FAM149B1: variants seen among roughly 807,000 people sequenced by gnomAD.
FAM149B1 encodes the protein primary cilium assembly protein FAM149B1.
In FAM149B1, 56 loss-of-function variants were observed where a neutral mutation model predicts 75.3. That is an observed-to-expected ratio of 0.74 (90% CI 0.60 to 0.93). The LOEUF (loss-of-function observed/expected upper bound fraction) is 0.93, where lower values mean the gene tolerates loss of function less well. Among genes scored for constraint, FAM149B1 ranks in the 40% least tolerant of loss-of-function variants. The probability of loss-of-function intolerance (pLI) is 0.00; values close to 1 mark genes in which losing one functional copy is unlikely to be tolerated. For missense variants in FAM149B1, 639 were observed against 708.4 expected (o/e 0.90, Z 1.11); for synonymous variants, 259 against 256.1 (o/e 1.01, Z -0.11).
At chr10:73,207,912 C>T (rs1448198443) in intron 5 of FAM149B1, among the ~76,000 whole-genome samples, 1 of 152,174 alleles carries the variant, frequency 6.6e-6, no homozygotes, top group Admixed American at 6.5e-5. Context: ...AGACGTGGGA[C>T]TTTGGACTTT....
At chr10:73,196,364 C>G (rs1438462193) in intron 5 of FAM149B1, among the ~76,000 whole-genome samples, 1 of 151,956 alleles carries the variant, frequency 6.6e-6, no homozygotes, top group African/African-American at 2.4e-5. Flanking sequence ...CTCTGTCACC[C>G]AGGCTGGAGT....
chr10:73,228,273 T>C (rs1373227633), intron 8 of FAM149B1, 89 bp downstream of exon 8: 1 of 1,060,870 alleles, frequency 9.4e-7, no homozygotes, highest in Non-Finnish European at 1.4e-6. Context: ...TTGTATGATT[T>C]CTGACTCAAT....
At chr10:73,216,293 G>A (rs1317506999) in intron 7 of FAM149B1, among the ~76,000 whole-genome samples, 1 of 151,976 alleles carries the variant, frequency 6.6e-6, no homozygotes, top group Non-Finnish European at 1.5e-5. Flanking sequence ...GTCTTTATGG[G>A]TAAGATGAGT....
rs2043981055 is a variant in FAM149B1, at chr10:73,244,001, A to G, written c.*2982A>G. On this transcript the variant is annotated 3_prime_UTR_variant, in exon 14 of 14. Coordinates refer to ENST00000242505, the MANE Select transcript of FAM149B1 (RefSeq NM_173348.2). ...AAAATACATACTCTTTCCCAAAAGC[A>G]AATCTATAATTCTGTTTCAATTTTA... is the stretch of plus-strand genomic sequence containing the variant. 6.5e-6 allele frequency: 8 copies of G among 1,240,156 alleles called. No individual in the cohort carries two copies. The East Asian group carries it at 1.9e-4, about 29-fold the overall frequency. The allele number at this position is 1,240,156 out of a possible 1,614,324, so 76.8% of individuals were successfully genotyped here.
intron 7 of FAM149B1, among the ~76,000 whole-genome samples, chr10:73,212,588 T>C (rs565387762): frequency 3.3e-4 from 50 of 152,306 alleles, no homozygotes; most frequent in African/African-American, 1.2e-3. Context: ...AAATATTTTT[T>C]TGATATAATG....
At chr10:73,221,545 T>C (rs868005600) in intron 7 of FAM149B1, among the ~76,000 whole-genome samples, 3 of 152,156 alleles carry the variant, frequency 2.0e-5, no homozygotes, top group South Asian at 4.1e-4. Flanking sequence ...GTGCATGTAT[T>C]TTTTTTTCCT....
intron 5 of FAM149B1, among the ~76,000 whole-genome samples, chr10:73,207,866 G>A (rs756935913): frequency 6.6e-6 from 1 of 152,250 alleles, no homozygotes; most frequent in Non-Finnish European, 1.5e-5. Flanking sequence ...TGATTTACAG[G>A]CTCATAGCTG....
At chr10:73,178,088 A>G (rs1242437975) in intron 3 of FAM149B1, 113 bp downstream of exon 3, 14 of 1,069,340 alleles carry the variant, frequency 1.3e-5, no homozygotes, top group East Asian at 2.7e-5. Flanking sequence ...TACATTTATC[A>G]TACTTCATAA....
At position 73,239,285 on chromosome 10, in the gene FAM149B1, A is replaced by G. The variant is rs775912869; in HGVS notation, c.1603-27A>G. 78 of 1,536,600 alleles carry G rather than the reference A, an allele frequency of 5.1e-5. No homozygotes were observed. In the South Asian group the frequency reaches 8.2e-4, roughly 16 times the overall value. On this transcript the variant is annotated intron_variant, in intron 12 of 13. Coordinates refer to ENST00000242505, the MANE Select transcript of FAM149B1 (RefSeq NM_173348.2). ...ATCCTTTGTGAGAAGATGCATCATA[A>G]GAAGTGTCTCCTCTTTTGTCTTGTA...
chr10:73,236,923 A>T (rs2043836617), intron 12 of FAM149B1, among the ~76,000 whole-genome samples: 1 of 151,426 alleles, frequency 6.6e-6, no homozygotes, highest in African/African-American at 2.4e-5. Context: ...TATGTTGGCC[A>T]GACTGGTCTC....
chr10:73,195,792 A>G (rs1262040530), intron 5 of FAM149B1, among the ~76,000 whole-genome samples: 32 of 152,154 alleles, frequency 2.1e-4, no homozygotes, highest in Admixed American at 2.1e-3. Flanking sequence ...AGTTCTCAAT[A>G]ATTTTCTTTA....
At chr10:73,178,106 A>ATT in intron 3 of FAM149B1, 131 bp downstream of exon 3, 1 of 979,534 alleles carries the variant, frequency 1.0e-6, no homozygotes, top group Non-Finnish European at 1.4e-6. Context: ...TAATAACTGT[A>ATT]AAGAAGTATC....
intron 7 of FAM149B1, among the ~76,000 whole-genome samples, chr10:73,211,852 C>A (rs2043192108): frequency 6.6e-6 from 1 of 151,894 alleles, no homozygotes; most frequent in Non-Finnish European, 1.5e-5. Context: ...GTGGTGAAAT[C>A]TGGGTTTTTA....
intron 5 of FAM149B1, among the ~76,000 whole-genome samples, chr10:73,202,055 C>T (rs1440340035): frequency 1.3e-5 from 2 of 152,110 alleles, no homozygotes; most frequent in Non-Finnish European, 2.9e-5. Context: ...ATCCCAGCTA[C>T]TGGGGAGGCT....
At chr10:73,168,457 C>A in intron 1 of FAM149B1, 71 bp downstream of exon 1, 1 of 1,513,562 alleles carries the variant, frequency 6.6e-7, no homozygotes, top group South Asian at 1.2e-5. Flanking sequence ...TTGACCAGTC[C>A]TTCGTTCCTT....
At chr10:73,190,758 GGTTACCCAGGCTAGCAGTA>G (rs1395145419) in intron 3 of FAM149B1, among the ~76,000 whole-genome samples, 3 of 148,274 alleles carry the variant, frequency 2.0e-5, no homozygotes, top group Non-Finnish European at 4.5e-5. Context: ...GGTCTCACTT[GGTTACCCAGGCTAGCAGTA>G]GCACAATCAT....
At chr10:73,207,971 A>T (rs1428783661) in intron 5 of FAM149B1, among the ~76,000 whole-genome samples, 1 of 152,240 alleles carries the variant, frequency 6.6e-6, no homozygotes, top group Non-Finnish European at 1.5e-5. Flanking sequence ...TTTGGAAACC[A>T]TAATTGTATT....
chr10:73,192,192 G>A (rs1316363048), intron 3 of FAM149B1: 4 of 162,894 alleles, frequency 2.5e-5, no homozygotes, highest in Non-Finnish European at 3.6e-5. Flanking sequence ...GAGCTACCAC[G>A]CCTGGCCTTT....
intron 1 of FAM149B1, among the ~76,000 whole-genome samples, chr10:73,171,129 T>C (rs1045999605): frequency 6.6e-6 from 1 of 152,182 alleles, no homozygotes; most frequent in African/African-American, 2.4e-5. Flanking sequence ...AATTTTTGTA[T>C]TTTTAGTAGA....
Sources: allele counts gnomAD v4.1 joint callset (sites outside exome capture counted in the v4.1 genomes callset), GRCh38; gene constraint gnomAD v4.1.1; transcripts MANE v1.5; gene names NCBI Gene and HGNC (gene_info 2026-07-23, HGNC 2026-07-21).